Variants in FER1L6 observed in about 807,000 individuals in gnomAD.
FER1L6 encodes fer-1 like family member 6, also known as fer-1-like protein 6.
In FER1L6, 177 loss-of-function variants were observed where a neutral mutation model predicts 219.2. The observed-to-expected ratio is 0.81, with a 90% confidence interval of 0.71 to 0.91. The LOEUF is 0.91. Ranked by LOEUF, FER1L6 falls within the 40% of genes least tolerant of loss-of-function variation. The pLI is 0.00. For missense variants in FER1L6, 2,153 were observed against 2,259.9 expected (o/e 0.95, Z 0.96); for synonymous variants, 768 against 824.3 (o/e 0.93, Z 1.17).
intron 1 of FER1L6, among the ~76,000 whole-genome samples, chr8:123,922,393 A>C (rs988341987): frequency 6.6e-6 from 1 of 152,226 alleles, no homozygotes; most frequent in Non-Finnish European, 1.5e-5. Context: ...CCTCCGACTG[A>C]GGAAAGAATC....
chr8:124,061,071 G>A (rs1022073423), intron 24 of FER1L6, among the ~76,000 whole-genome samples: 1 of 152,170 alleles, frequency 6.6e-6, no homozygotes, highest in African/African-American at 2.4e-5. Flanking sequence ...CTGGTTTAAC[G>A]AGGTTTCCAG....
chr8:124,003,593 C>T (rs985219997), intron 13 of FER1L6, among the ~76,000 whole-genome samples: 3 of 151,214 alleles, frequency 2.0e-5, no homozygotes, highest in South Asian at 2.1e-4. Flanking sequence ...CTCAGCCTCC[C>T]GAGTATCTGG....
chr8:124,035,382 G>C lies in FER1L6; in HGVS notation c.2392G>C (p.Val798Leu). 6.2e-7 allele frequency: 1 copy of C among 1,614,082 alleles called. No homozygotes were observed. Among genetic ancestry groups the C allele is most frequent in the East Asian group, 2.2e-5 (1 of 44,870 alleles). ...HASAILDNLP[V>L]GYEAEMSSKG... The stretch of plus-strand genomic sequence containing the variant: ...CAGTGCCATTTTGGACAACTTGCCA[G>C]TAGGCTATGAAGCAGAAATGTCCTC... Residue 798 changes from valine to leucine, a missense_variant, in exon 19 of 41, where the codon GTA (valine) becomes CTA (leucine). Coordinates refer to ENST00000522917, the MANE Select transcript of FER1L6 (RefSeq NM_001039112.2).
intron 1 of FER1L6, among the ~76,000 whole-genome samples, chr8:123,906,682 C>T (rs747530638): frequency 6.6e-6 from 1 of 151,638 alleles, no homozygotes; most frequent in Non-Finnish European, 1.5e-5. Flanking sequence ...TGCCTGTAGC[C>T]CCAGCTACTC....
At chr8:123,995,588 C>CAATTTTAT in intron 12 of FER1L6, among the ~76,000 whole-genome samples, 1 of 151,924 alleles carries the variant, frequency 6.6e-6, no homozygotes, top group South Asian at 2.1e-4. Flanking sequence ...ACAGGATTGT[C>CAATTTTAT]AATTTTATCT....
At chr8:123,999,026 C>G (rs772048819) in intron 12 of FER1L6, among the ~76,000 whole-genome samples, 3 of 152,160 alleles carry the variant, frequency 2.0e-5, no homozygotes, top group Non-Finnish European at 2.9e-5. Flanking sequence ...AATCAGGGGC[C>G]CTGAGAACCT....
chr8:123,966,012 A>G lies in FER1L6; in HGVS notation c.203A>G (p.Lys68Arg). 6.2e-7 allele frequency: 1 copy of G among 1,613,220 alleles called. No individual in the cohort carries two copies. Among genetic ancestry groups the G allele is most frequent in the Non-Finnish European group, 8.5e-7 (1 of 1,179,440 alleles). The change falls in exon 4 of 41, where the codon AAA becomes AGA. Residue 68 changes from lysine (K) to arginine (R), a missense_variant. Transcript: ENST00000522917. ...ATTAAACTTTCTTTTAATAGATCAAAACTGTTGACTAAGATCCATGATGGG... is the reference window on the plus strand; with the variant it reads ...ATTAAACTTTCTTTTAATAGATCAAGACTGTTGACTAAGATCCATGATGGG... ...VPSASPKRRS[K>R]LLTKIHDGEV... is the part of the protein sequence containing the mutation.
At chr8:124,118,700 A>G in intron 39 of FER1L6, 144 bp from the exon 40 acceptor site, 1 of 713,982 alleles carries the variant, frequency 1.4e-6, no homozygotes, top group Non-Finnish European at 2.3e-6. Flanking sequence ...GGACCAAAAA[A>G]AGCAACAACA....
chr8:123,911,707 C>T (rs10089499), intron 1 of FER1L6, among the ~76,000 whole-genome samples: 48,014 of 151,910 alleles, frequency 0.32, 7,815 homozygotes, highest in South Asian at 0.36. Flanking sequence ...AACAGAGTCC[C>T]GGAGTTGTGA....
intron 1 of FER1L6, among the ~76,000 whole-genome samples, chr8:123,889,232 A>C (rs966884362): frequency 6.6e-6 from 1 of 152,248 alleles, no homozygotes; most frequent in Non-Finnish European, 1.5e-5. Flanking sequence ...AGTTAACTTT[A>C]AGTTTCTTAA....
At chr8:124,042,401 A>C (rs1819541905) in intron 20 of FER1L6, among the ~76,000 whole-genome samples, 1 of 152,274 alleles carries the variant, frequency 6.6e-6, no homozygotes, top group South Asian at 2.1e-4. Flanking sequence ...TTTTATATGC[A>C]TCATTTGCTA....
At chr8:124,116,561 A>T (rs1823255184) in intron 39 of FER1L6, among the ~76,000 whole-genome samples, 1 of 152,232 alleles carries the variant, frequency 6.6e-6, no homozygotes, top group South Asian at 2.1e-4. Context: ...ATGAAACACC[A>T]TGCAAGTTAT....
intron 2 of FER1L6, 120 bp downstream of exon 2, chr8:123,956,194 C>CCCGA: frequency 1.1e-6 from 1 of 922,698 alleles, no homozygotes; most frequent in South Asian, 1.5e-5. Context: ...ATGTGCTGCC[C>CCCGA]CCGACCCTTT....
At chr8:123,860,481 T>C (rs1482490314) in intron 1 of FER1L6, among the ~76,000 whole-genome samples, 11 of 106,492 alleles carry the variant, frequency 1.0e-4, no homozygotes, top group Non-Finnish European at 1.4e-4. Context: ...TTTATAGTCA[T>C]TTGGGTATAT....
chr8:123,855,956 A>T (rs1586421632), intron 1 of FER1L6, among the ~76,000 whole-genome samples: 1 of 146,916 alleles, frequency 6.8e-6, no homozygotes, highest in East Asian at 2.0e-4. Flanking sequence ...TGTAGTATAT[A>T]TATTACAGAT....
chr8:123,977,984 G>C (rs1201742294), intron 10 of FER1L6, among the ~76,000 whole-genome samples: 1 of 152,162 alleles, frequency 6.6e-6, no homozygotes, highest in Non-Finnish European at 1.5e-5. Context: ...ATGGGTACTG[G>C]TCCATGGCTC....
chr8:123,883,150 A>G (rs569885716), intron 1 of FER1L6, among the ~76,000 whole-genome samples: 8 of 152,354 alleles, frequency 5.3e-5, no homozygotes, highest in African/African-American at 1.9e-4. Context: ...GAAGGTGTGA[A>G]CAATGGTAAG....
Position 124,103,284 on chromosome 8 carries a change from CT to C in FER1L6, c.5269del (p.Ser1757LeufsTer16), listed in dbSNP as rs1822623608. The C allele has an allele frequency of 1.9e-6, 3 of 1,613,718 alleles. No homozygotes were observed. The highest frequency in any genetic ancestry group is 2.5e-6 in the Non-Finnish European group (3 of 1,179,940). ...FQQKRVRGWW[P>X]FSKSKELTGK... is the part of the protein sequence containing the mutation. ...CAAAAACGTGTGCGTGGCTGGTGGC[CT>C]TTTTCTAAAAGCAAAGAACTCACAG... On this transcript the variant is annotated frameshift_variant, in exon 39 of 41. Coordinates refer to ENST00000522917, the MANE Select transcript of FER1L6 (RefSeq NM_001039112.2). LOFTEE classifies it high-confidence loss of function.
chr8:124,030,441 A>C (rs898494991), intron 18 of FER1L6, among the ~76,000 whole-genome samples: 2 of 152,168 alleles, frequency 1.3e-5, no homozygotes, highest in African/African-American at 4.8e-5. Flanking sequence ...TCAAAAGTTT[A>C]CGATCCTCTC....
Sources: allele counts gnomAD v4.1 joint callset (sites outside exome capture counted in the v4.1 genomes callset), GRCh38; gene constraint gnomAD v4.1.1; transcripts MANE v1.5; gene names NCBI Gene and HGNC (gene_info 2026-07-23, HGNC 2026-07-21).